SEMA3C: variants seen among roughly 807,000 people sequenced by gnomAD.
The protein encoded by SEMA3C is semaphorin 3C.
SEMA3C carries 47 observed loss-of-function variants against 89.4 expected under a neutral mutation model. That is an observed-to-expected ratio of 0.53 (90% confidence interval 0.42 to 0.67). SEMA3C has a LOEUF of 0.67. Among genes scored for constraint, SEMA3C ranks in the 30% least tolerant of loss-of-function variants. The probability of loss-of-function intolerance (pLI) is 0.00; values close to 1 mark genes in which losing one functional copy is unlikely to be tolerated. For synonymous variants in SEMA3C, 310 were observed against 320.2 expected (o/e 0.97, Z 0.34); for missense variants, 839 against 929.1 (o/e 0.90, Z 1.26).
chr7:80,796,368 C>G (rs1288137188), intron 11 of SEMA3C: 2 of 152,168 alleles, frequency 1.3e-5, no homozygotes, highest in Non-Finnish European at 2.9e-5. Flanking sequence ...ATCCAGCACT[C>G]CCCAGTCTTT....
intron 1 of SEMA3C, 118 bp downstream of exon 1, chr7:80,918,710 T>G: frequency 1.7e-6 from 1 of 582,734 alleles, no homozygotes; most frequent in Non-Finnish European, 2.2e-6. Context: ...ACAAACCGCG[T>G]GTGTTCTTAA....
At chr7:80,814,939 A>G (rs908766008) in intron 5 of SEMA3C, among the ~76,000 whole-genome samples, 1 of 152,086 alleles carries the variant, frequency 6.6e-6, no homozygotes, top group African/African-American at 2.4e-5. Flanking sequence ...CCCCCCACGC[A>G]CCGTGCCACA....
At chr7:80,854,754 C>G (rs946504776) in intron 2 of SEMA3C, among the ~76,000 whole-genome samples, 4 of 152,194 alleles carry the variant, frequency 2.6e-5, no homozygotes, top group Non-Finnish European at 5.9e-5. Context: ...ACCTAACTTA[C>G]TGTTCACCTA....
In SEMA3C at chr7:80,881,207, A is replaced by ACT. The variant is rs1451570438; in HGVS notation, c.103+35471_103+35472insAG. 5.7e-5 allele frequency among the ~76,000 whole-genome samples: 8 copies of ACT among 141,194 alleles called. No homozygotes were observed. In the South Asian group the frequency reaches 1.1e-3, roughly 20 times the overall value. 92.6% of individuals were successfully genotyped at this position (141,194 alleles called of 152,430 possible). ...CACACACACACACACACACACACAC[A>ACT]CACTCTCTCTCATGTAAAGTTTTTC... On this transcript the variant is annotated intron_variant, in intron 2 of 17. Coordinates refer to ENST00000265361, the MANE Select transcript of SEMA3C (RefSeq NM_006379.5).
At chr7:80,888,131 G>A (rs1791525747) in intron 2 of SEMA3C, among the ~76,000 whole-genome samples, 1 of 152,126 alleles carries the variant, frequency 6.6e-6, no homozygotes, top group Non-Finnish European at 1.5e-5. Context: ...GAAATAATTG[G>A]CCAAGTGTGG....
At chr7:80,795,503 C>T (rs1789041215) in intron 11 of SEMA3C, among the ~76,000 whole-genome samples, 1 of 152,132 alleles carries the variant, frequency 6.6e-6, no homozygotes, top group African/African-American at 2.4e-5. Flanking sequence ...ATGTGTGTTG[C>T]TAACCCTGGC....
chr7:80,888,653 AT>A (rs1791539832), intron 2 of SEMA3C, among the ~76,000 whole-genome samples: 1 of 152,102 alleles, frequency 6.6e-6, no homozygotes. Flanking sequence ...CTGAATTTTC[AT>A]TTATGTCATT....
chr7:80,912,798 T>C (rs73709364), intron 2 of SEMA3C, among the ~76,000 whole-genome samples: 8,219 of 152,284 alleles, frequency 0.054, 305 homozygotes, highest in African/African-American at 0.086. Flanking sequence ...ACAACTGCTT[T>C]TATTTTCATT....
chr7:80,802,742 C>A lies in SEMA3C; in HGVS notation c.839G>T (p.Trp280Leu). The A allele has an allele frequency of 6.2e-7, 1 of 1,613,376 alleles. No individual in the cohort carries two copies. The highest frequency in any genetic ancestry group is 1.7e-4 in the Middle Eastern group (1 of 6,052). Residue 280 changes from tryptophan (W) to leucine (L), a missense_variant, in exon 9 of 18, where the codon TGG becomes TTG. Coordinates refer to ENST00000265361, the MANE Select transcript of SEMA3C (RefSeq NM_006379.5). ...CAGCCTCGCCTTTAAGAAAGTGGTC[C>A]ACTTGTTGACAAGGCTACGCAGTCC... ...TGGLRSLVNK[W>L]TTFLKARLVC...
chr7:80,886,854 G>A (rs1477171769), intron 2 of SEMA3C, among the ~76,000 whole-genome samples: 1 of 152,086 alleles, frequency 6.6e-6, no homozygotes, highest in Non-Finnish European at 1.5e-5. Flanking sequence ...AATATATGTA[G>A]TTAATAATCT....
intron 2 of SEMA3C, among the ~76,000 whole-genome samples, chr7:80,903,111 G>C (rs973132239): frequency 6.6e-6 from 1 of 152,050 alleles, no homozygotes; most frequent in African/African-American, 2.4e-5. Flanking sequence ...TTGCAGTCAC[G>C]CATCCCTTAA....
In SEMA3C at chr7:80,763,373, A is replaced by G. The variant is rs376482012; in HGVS notation, c.1444-1716T>C. Reference sequence around the variant, plus strand: ...AAATGTGACACAAACACCATGCTGAAGACAGTAACTGTATTCAGTAACTGT... The same window carrying G: ...AAATGTGACACAAACACCATGCTGAGGACAGTAACTGTATTCAGTAACTGT... On this transcript the variant is annotated intron_variant, in intron 13 of 17. Transcript: ENST00000265361. Among the ~76,000 whole-genome samples, 39 of 152,324 alleles carry G rather than the reference A, an allele frequency of 2.6e-4. No homozygotes were observed. The East Asian group carries it at 3.5e-3, about 14-fold the overall frequency.
chr7:80,869,623 C>T lies in SEMA3C; in HGVS notation c.104-40878G>A, dbSNP rs1324263998. Among the ~76,000 whole-genome samples the T allele has an allele frequency of 2.6e-5, 4 of 152,166 alleles. No homozygotes were observed. The East Asian group carries it at 7.7e-4, about 29-fold the overall frequency. ...GCAGGAGTAAAGTGAATCAGAAGAGCCATAAGCACCTAAAATAGCTTTTTG... is the reference window on the plus strand; with the variant it reads ...GCAGGAGTAAAGTGAATCAGAAGAGTCATAAGCACCTAAAATAGCTTTTTG... On this transcript the variant is annotated intron_variant, in intron 2 of 17. Transcript: ENST00000265361.
At chr7:80,748,164 T>C (rs1787842215) in intron 17 of SEMA3C, among the ~76,000 whole-genome samples, 1 of 152,154 alleles carries the variant, frequency 6.6e-6, no homozygotes, top group Non-Finnish European at 1.5e-5. Flanking sequence ...TAAGGCTTTA[T>C]ATATACATAT....
At chr7:80,822,697 G>A (rs1049700316) in intron 4 of SEMA3C, among the ~76,000 whole-genome samples, 1 of 152,160 alleles carries the variant, frequency 6.6e-6, no homozygotes, top group African/African-American at 2.4e-5. Flanking sequence ...TTGGCCTCTG[G>A]ATGCTTCAAT....
At chr7:80,824,678 A>G (rs902861576) in intron 4 of SEMA3C, among the ~76,000 whole-genome samples, 3 of 152,164 alleles carry the variant, frequency 2.0e-5, no homozygotes, top group African/African-American at 7.2e-5. Flanking sequence ...AGCATGTTTT[A>G]GTGGCTAAGG....
chr7:80,797,949 G>T, intron 11 of SEMA3C, 143 bp downstream of exon 11: 1 of 720,940 alleles, frequency 1.4e-6, no homozygotes, highest in Non-Finnish European at 2.2e-6. Context: ...GGTGAGCTGA[G>T]ATTGCACCAC....
upstream of SEMA3C, chr7:80,922,356 C>A (rs1220467950): frequency 8.3e-7 from 1 of 1,198,836 alleles, no homozygotes; most frequent in Non-Finnish European, 1.1e-6. Flanking sequence ...GTTTCCTGAA[C>A]TGTATCTTTG....
chr7:80,757,636 T>C (rs373117565), intron 15 of SEMA3C, among the ~76,000 whole-genome samples: 22 of 152,212 alleles, frequency 1.4e-4, no homozygotes, highest in African/African-American at 4.8e-4. Context: ...TGTAGAGAAA[T>C]CCTAGGAAGG....
Sources: gnomAD v4.1 joint callset for allele counts (sites outside exome capture counted in the v4.1 genomes callset) on GRCh38, gnomAD v4.1.1 for gene constraint, MANE v1.5 for transcripts, NCBI Gene and HGNC (gene_info 2026-07-23, HGNC 2026-07-21) for gene names.